UNC13A: variants seen among roughly 807,000 people sequenced by gnomAD.
UNC13A encodes the protein protein unc-13 homolog A.
A neutral mutation model predicts 219.7 loss-of-function variants in UNC13A; 61 were observed. The observed-to-expected ratio is 0.28, with a 90% CI of 0.23 to 0.34. The LOEUF (loss-of-function observed/expected upper bound fraction) is 0.34, where lower values mean the gene tolerates loss of function less well. UNC13A is among the 10% of genes least tolerant of loss of function. UNC13A has a pLI of 1.00. For missense variants in UNC13A, 1,476 were observed against 2,270.3 expected (o/e 0.65, Z 7.11); for synonymous variants, 920 against 884.6 (o/e 1.04, Z -0.71).
chr19:17,611,618 C>T (rs959086375), intron 42 of UNC13A, 145 bp downstream of exon 42: 1 of 643,916 alleles, frequency 1.6e-6, no homozygotes, highest in Non-Finnish European at 2.8e-6. Flanking sequence ...CTGGATCCAG[C>T]CATGCCTGAA....
At chr19:17,606,488 GC>G (rs1227577477) in intron 43 of UNC13A, 134 bp from the exon 44 acceptor site, 2 of 1,269,240 alleles carry the variant, frequency 1.6e-6, no homozygotes, top group Non-Finnish European at 2.1e-6. Context: ...CGCTACGCTA[GC>G]CCCGCCCCTG....
chr19:17,635,665 T>C (rs367860909), intron 26 of UNC13A, among the ~76,000 whole-genome samples: 46 of 152,326 alleles, frequency 3.0e-4, no homozygotes, highest in African/African-American at 1.1e-3. Context: ...TATAATGCAA[T>C]TTAAATGTAT....
intron 21 of UNC13A, 95 bp from the exon 22 acceptor site, chr19:17,640,756 G>A: frequency 2.2e-6 from 3 of 1,359,240 alleles, no homozygotes; most frequent in Non-Finnish European, 2.9e-6. Flanking sequence ...TCTGTGAGTG[G>A]GTCTCTGTCA....
chr19:17,638,130 C>G (rs1051190728), intron 25 of UNC13A, among the ~76,000 whole-genome samples: 1 of 147,678 alleles, frequency 6.8e-6, no homozygotes, highest in Non-Finnish European at 1.5e-5. Context: ...TATCTCAATA[C>G]TAACCATCCC....
intron 19 of UNC13A, among the ~76,000 whole-genome samples, chr19:17,643,193 G>T (rs1280513102): frequency 6.6e-6 from 1 of 152,030 alleles, no homozygotes; most frequent in Admixed American, 6.6e-5. Flanking sequence ...TATACTTTTA[G>T]TAGAGACGGG....
intron 7 of UNC13A, among the ~76,000 whole-genome samples, chr19:17,664,785 C>T (rs2145887904): frequency 6.6e-6 from 1 of 152,276 alleles, no homozygotes; most frequent in Admixed American, 6.5e-5. Flanking sequence ...CAGGGTACCC[C>T]AGCTGGAGTA....
chr19:17,657,022 G>A (rs1020549164), intron 9 of UNC13A, among the ~76,000 whole-genome samples: 23 of 151,964 alleles, frequency 1.5e-4, no homozygotes, highest in Non-Finnish European at 2.8e-4. Flanking sequence ...CCACTTCCCC[G>A]TACCCCGGGC....
In UNC13A at chr19:17,606,063, A is replaced by G. The variant is rs772836083; in HGVS notation, c.5103T>C (p.Pro1701=). The change falls in exon 44 of 44, where the codon CCT becomes CCC. Residue 1701 remains proline (P), a synonymous_variant. Transcript: ENST00000519716. ...TRSAEEGGAA[P]AP is the part of the protein sequence containing the mutation. ...CGGCCGACCGCCCGCGCTAAGGCGC[A>G]GGCGCGGCACCGCCCTCCTCGGCGG... 60 of 1,564,360 alleles carry G rather than the reference A, an allele frequency of 3.8e-5. No homozygotes were observed. The highest frequency in any genetic ancestry group is 4.7e-5 in the Non-Finnish European group (55 of 1,159,800).
chr19:17,629,170 G>A, intron 31 of UNC13A, 70 bp downstream of exon 31: 1 of 1,383,882 alleles, frequency 7.2e-7, no homozygotes, highest in Non-Finnish European at 1.0e-6. Context: ...AGGGCCCTGG[G>A]GAGAAGGGAG....
intron 15 of UNC13A, 64 bp downstream of exon 15, chr19:17,648,848 A>G: frequency 1.3e-6 from 2 of 1,546,560 alleles, no homozygotes; most frequent in Non-Finnish European, 1.7e-6. Context: ...AGAGGCTTGG[A>G]CAATTCCAGA....
At chr19:17,633,069 G>A in intron 27 of UNC13A, 39 bp downstream of exon 27, 1 of 1,611,518 alleles carries the variant, frequency 6.2e-7, no homozygotes, top group Non-Finnish European at 8.5e-7. Flanking sequence ...CAGCCACCTG[G>A]TGTGGCCAGG....
chr19:17,647,011 C>G (rs35098701), intron 17 of UNC13A, among the ~76,000 whole-genome samples: 1 of 152,148 alleles, frequency 6.6e-6, no homozygotes, highest in South Asian at 2.1e-4. Context: ...ATAAACCATG[C>G]ACCCTCAATT....
intron 41 of UNC13A, among the ~76,000 whole-genome samples, chr19:17,614,928 G>T (rs556780394): frequency 6.6e-6 from 1 of 152,140 alleles, no homozygotes. Flanking sequence ...TCAGGTGAGG[G>T]GTCAGACCAA....
rs59519256 is a variant in UNC13A, at chr19:17,631,222, T to TCCCTCCCTCCCTCCCTTC, written c.3429-473_3429-472insGAAGGGAGGGAGGGAGGG. Among the ~76,000 whole-genome samples the TCCCTCCCTCCCTCCCTTC allele has an allele frequency of 1.2e-3, 40 of 32,380 alleles. 1 individual carries two copies. The highest frequency in any genetic ancestry group is 4.8e-3 in the African/African-American group (39 of 8,136). 21.2% of individuals were successfully genotyped at this position (32,380 alleles called of 152,430 possible). On this transcript the variant is annotated intron_variant, in intron 28 of 43. Transcript: ENST00000519716. Reference sequence around the variant, plus strand: ...TCCCTCCCTTCCTTCCTTCCTTCCTTCTTCCTTCCTTCCTTCCTTCCTGGG... The same window carrying TCCCTCCCTCCCTCCCTTC: ...TCCCTCCCTTCCTTCCTTCCTTCCTTCCCTCCCTCCCTCCCTTCCTTCCTTCCTTCCTTCCTTCCTGGG...
At chr19:17,635,164 C>T (rs1306478692) in intron 26 of UNC13A, among the ~76,000 whole-genome samples, 2 of 152,146 alleles carry the variant, frequency 1.3e-5, no homozygotes, top group Non-Finnish European at 2.9e-5. Flanking sequence ...CCGCGCGTGG[C>T]CAATTTTTGT....
At chr19:17,621,140 C>A (rs1354193051) in intron 37 of UNC13A, among the ~76,000 whole-genome samples, 1 of 152,156 alleles carries the variant, frequency 6.6e-6, no homozygotes, top group African/African-American at 2.4e-5. Flanking sequence ...TGCTGAAGAA[C>A]CCATACACTA....
intron 11 of UNC13A, among the ~76,000 whole-genome samples, chr19:17,653,501 C>T (rs1168428866): frequency 6.6e-6 from 1 of 151,900 alleles, no homozygotes; most frequent in Non-Finnish European, 1.5e-5. Flanking sequence ...GTGCCCACCA[C>T]CACACCCAAT....
intron 3 of UNC13A, 35 bp from the exon 4 acceptor site, chr19:17,672,530 G>A (rs186526307): frequency 1.3e-6 from 2 of 1,582,692 alleles, no homozygotes; most frequent in African/African-American, 1.3e-5. Context: ...CGAGGGAGCA[G>A]GAGGGAGGAA....
At position 17,627,457 on chromosome 19, in the gene UNC13A, G is replaced by T; in HGVS notation, c.3920+52C>A. On this transcript the variant is annotated intron_variant, in intron 33 of 43. Coordinates refer to ENST00000519716, the MANE Select transcript of UNC13A (RefSeq NM_001080421.3). This position sits in a 1 kb window ranked among gnomAD's most constrained non-coding sequence, Gnocchi z 4.7. ...AGCCTCCAGATGCCCCAGGCTTAGAGGGCTGAAGGCTGTTCCCTCCCCACT... is the reference window on the plus strand; with the variant it reads ...AGCCTCCAGATGCCCCAGGCTTAGATGGCTGAAGGCTGTTCCCTCCCCACT... 1 of 1,413,724 alleles carries T rather than the reference G, an allele frequency of 7.1e-7. No individual in the cohort carries two copies. The allele number at this position is 1,413,724 out of a possible 1,614,324, so 87.6% of individuals were successfully genotyped here.
Sources: gnomAD v4.1 joint callset for allele counts (sites outside exome capture counted in the v4.1 genomes callset) on GRCh38, gnomAD v4.1.1 for gene constraint, Gnocchi (gnomAD v3.1) non-coding constraint, MANE v1.5 for transcripts, NCBI Gene and HGNC (gene_info 2026-07-23, HGNC 2026-07-21) for gene names.